The following FHIT variants were observed in gnomAD, a reference collection of about 807,000 sequenced individuals.
FHIT encodes the protein fragile histidine triad diadenosine triphosphatase, also known as bis(5'-adenosyl)-triphosphatase.
Under a neutral mutation model 17.9 loss-of-function variants are expected in FHIT, and 19 were observed. The observed-to-expected ratio is 1.06, with a 90% CI of 0.74 to 1.56. The LOEUF (loss-of-function observed/expected upper bound fraction) is 1.56, where lower values mean the gene tolerates loss of function less well. FHIT is among the 40% of genes most tolerant of loss of function. FHIT has a pLI of 0.00. For synonymous variants in FHIT, 81 were observed against 69.7 expected, an observed-to-expected ratio of 1.16 and a Z score of -0.81; for missense variants, 248 against 189.2, an observed-to-expected ratio of 1.31 and a Z score of -1.82.
chr3:59,981,995 A>G (rs1323710011), intron 7 of FHIT, among the ~76,000 whole-genome samples: 2 of 152,196 alleles, frequency 1.3e-5, no homozygotes, highest in Middle Eastern at 3.2e-3. Context: ...GGTATTAAAA[A>G]TCAGTTGACT....
chr3:59,905,379 G>A (rs367963465), intron 8 of FHIT, among the ~76,000 whole-genome samples: 105 of 152,256 alleles, frequency 6.9e-4, no homozygotes, highest in African/African-American at 2.4e-3. Context: ...GTAAGACCAG[G>A]GGTCAGAATA....
chr3:60,602,925 A>G (rs1215052236), intron 4 of FHIT, among the ~76,000 whole-genome samples: 1 of 152,134 alleles, frequency 6.6e-6, no homozygotes, highest in Non-Finnish European at 1.5e-5. Flanking sequence ...CAGACACCAA[A>G]TCTGCCGGTA....
chr3:60,931,049 T>G lies in FHIT; in HGVS notation c.-110-109038A>C, dbSNP rs1451265547. 6.6e-5 allele frequency among the ~76,000 whole-genome samples: 10 copies of G among 152,106 alleles called. No homozygotes were observed. The South Asian group carries it at 8.3e-4, about 13-fold the overall frequency. ...CTATGCAGCCATAAAAATTGATGAGTTCATGTCCTTTGTAGGGACATGGAT... is the reference window on the plus strand; with the variant it reads ...CTATGCAGCCATAAAAATTGATGAGGTCATGTCCTTTGTAGGGACATGGAT... On this transcript the variant is annotated intron_variant, in intron 3 of 9. Transcript: ENST00000492590.
In FHIT at chr3:60,045,666, C is replaced by A. The variant is rs563787287; in HGVS notation, c.104-31514G>T. 8.2e-4 allele frequency among the ~76,000 whole-genome samples: 125 copies of A among 152,320 alleles called. 1 individual carries two copies. The highest frequency in any genetic ancestry group is 1.3e-3 in the Non-Finnish European group (89 of 68,028). On this transcript the variant is annotated intron_variant, in intron 5 of 9. Transcript: ENST00000492590. ...TCTCCCTACCTCCCTACCTTGCTTT[C>A]TCCCCTCCAGGGAAGACATGTGCCT...
intron 5 of FHIT, among the ~76,000 whole-genome samples, chr3:60,292,741 A>C (rs1708043292): frequency 6.6e-6 from 1 of 152,138 alleles, no homozygotes; most frequent in Non-Finnish European, 1.5e-5. Context: ...GACATATCAG[A>C]AAACATCAAG....
chr3:61,096,072 TGACA>T (rs1298507456), intron 2 of FHIT, among the ~76,000 whole-genome samples: 3 of 152,348 alleles, frequency 2.0e-5, no homozygotes, highest in Middle Eastern at 3.4e-3. Flanking sequence ...TTTTTGCTAC[TGACA>T]GACAAAGTAG....
At chr3:60,563,858 G>A (rs759435503) in intron 4 of FHIT, among the ~76,000 whole-genome samples, 3 of 152,178 alleles carry the variant, frequency 2.0e-5, no homozygotes, top group Non-Finnish European at 4.4e-5. Context: ...AGGTGAAGCA[G>A]CAAGTGCTAA....
chr3:60,722,707 CTTTTTTTTTTTT>C (rs1157024624), intron 4 of FHIT, among the ~76,000 whole-genome samples: 7 of 104,968 alleles, frequency 6.7e-5, no homozygotes, highest in Admixed American at 2.0e-4. Context: ...TACCTTAAAT[CTTTTTTTTTTTT>C]TTTTTTTTTT....
At chr3:61,111,987 C>T (rs1025621504) in intron 2 of FHIT, among the ~76,000 whole-genome samples, 1 of 152,134 alleles carries the variant, frequency 6.6e-6, no homozygotes, top group African/African-American at 2.4e-5. Flanking sequence ...TGGGCACATT[C>T]AGTTTTTCAA....
chr3:60,242,737 A>T (rs1705196153), intron 5 of FHIT, among the ~76,000 whole-genome samples: 1 of 151,974 alleles, frequency 6.6e-6, no homozygotes, highest in Admixed American at 6.6e-5. Context: ...TCTCTCTTTC[A>T]TTCTTTCTAT....
At chr3:60,432,952 A>T (rs1174506685) in intron 5 of FHIT, among the ~76,000 whole-genome samples, 1 of 151,720 alleles carries the variant, frequency 6.6e-6, no homozygotes, top group East Asian at 1.9e-4. Context: ...CTTAAGATAC[A>T]TACTCTTAAG....
rs187102074 is a variant in FHIT at position 60,006,195 on chromosome 3, A to G, written c.279+5176T>C. 1.5e-3 allele frequency among the ~76,000 whole-genome samples: 221 copies of G among 152,278 alleles called. 1 individual carries two copies. The highest frequency in any genetic ancestry group is 5.1e-3 in the African/African-American group (212 of 41,558). ...TGTTCGGACAGAGAGGGCCAGTATTATTTTCCCCAATTAAGAAGGCAGATT... is the reference window on the plus strand; with the variant it reads ...TGTTCGGACAGAGAGGGCCAGTATTGTTTTCCCCAATTAAGAAGGCAGATT... On this transcript the variant is annotated intron_variant, in intron 7 of 9. Coordinates refer to ENST00000492590, the MANE Select transcript of FHIT (RefSeq NM_002012.4).
At chr3:60,334,212 T>C (rs6779494) in intron 5 of FHIT, among the ~76,000 whole-genome samples, 29,379 of 152,160 alleles carry the variant, frequency 0.19, 3,280 homozygotes, top group African/African-American at 0.31. Context: ...TATAGTTATA[T>C]GCTGAGCCAA....
intron 5 of FHIT, among the ~76,000 whole-genome samples, chr3:60,515,548 G>C (rs1352915096): frequency 6.8e-6 from 1 of 147,850 alleles, no homozygotes; most frequent in East Asian, 2.0e-4. Flanking sequence ...TGAAAAACAA[G>C]CTACAAAGGG....
chr3:60,064,708 T>C (rs1576012050), intron 5 of FHIT, among the ~76,000 whole-genome samples: 1 of 152,214 alleles, frequency 6.6e-6, no homozygotes, highest in Non-Finnish European at 1.5e-5. Flanking sequence ...GAGACTATAC[T>C]GGTCAAAGAG....
intron 4 of FHIT, among the ~76,000 whole-genome samples, chr3:60,769,494 C>T (rs1440690072): frequency 3.3e-5 from 5 of 152,042 alleles, no homozygotes; most frequent in African/African-American, 4.8e-5. Context: ...AAACTTCAGC[C>T]GAGTTAAATT....
intron 5 of FHIT, among the ~76,000 whole-genome samples, chr3:60,160,142 G>C (rs76161368): frequency 7.3e-6 from 1 of 137,002 alleles, no homozygotes; most frequent in East Asian, 2.0e-4. Flanking sequence ...GTGTGTGTGT[G>C]TCTGTGTGTC....
chr3:60,456,342 C>A (rs1392779299), intron 5 of FHIT, among the ~76,000 whole-genome samples: 2 of 152,206 alleles, frequency 1.3e-5, no homozygotes, highest in Non-Finnish European at 2.9e-5. Context: ...ACCTACTCTG[C>A]CACATTCACT....
At chr3:60,438,914 C>T (rs949116033) in intron 5 of FHIT, among the ~76,000 whole-genome samples, 4 of 152,082 alleles carry the variant, frequency 2.6e-5, no homozygotes, top group African/African-American at 9.7e-5. Context: ...ATATCAATTC[C>T]CAAACCCATC....
Sources: allele counts gnomAD v4.1 joint callset (sites outside exome capture counted in the v4.1 genomes callset), GRCh38; gene constraint gnomAD v4.1.1; transcripts MANE v1.5; gene names NCBI Gene and HGNC (gene_info 2026-07-23, HGNC 2026-07-21).